The following PHF2 variants were observed in gnomAD, a reference collection of about 807,000 sequenced individuals.
PHF2 encodes lysine-specific demethylase PHF2.
Under a neutral mutation model 120.5 loss-of-function variants are expected in PHF2, and 27 were observed. The observed-to-expected ratio is 0.22, with a 90% CI of 0.17 to 0.31. The LOEUF (loss-of-function observed/expected upper bound fraction) is 0.31. Ranked by LOEUF, PHF2 falls within the 10% of genes least tolerant of loss-of-function variation. PHF2 has a pLI of 1.00. For synonymous variants in PHF2, 568 were observed against 592.5 expected (o/e 0.96, Z 0.60); for missense variants, 1,024 against 1,434.8 (o/e 0.71, Z 4.63).
At chr9:93,605,983 T>C (rs1257965896) in intron 1 of PHF2, among the ~76,000 whole-genome samples, 1 of 151,620 alleles carries the variant, frequency 6.6e-6, no homozygotes. Context: ...GGGTTTTTTT[T>C]CTTTTTTTTC....
chr9:93,662,532 GCGGATGGA>G (rs1371638309), intron 12 of PHF2, among the ~76,000 whole-genome samples: 30 of 120,254 alleles, frequency 2.5e-4, no homozygotes, highest in Admixed American at 1.4e-3. Context: ...GGATGGGTGG[GCGGATGGA>G]TGGATGGATG....
chr9:93,587,892 CCT>C (rs1321040721), intron 1 of PHF2, among the ~76,000 whole-genome samples: 2 of 152,176 alleles, frequency 1.3e-5, no homozygotes, highest in African/African-American at 4.8e-5. Flanking sequence ...GCATGGGCCC[CCT>C]GTCTGCTGGG....
At chr9:93,672,567 T>C in intron 17 of PHF2, 1 of 983,938 alleles carries the variant, frequency 1.0e-6, no homozygotes, top group Non-Finnish European at 1.2e-6. Context: ...GATGCAGGTA[T>C]GGGTGTAGGT....
intron 2 of PHF2, among the ~76,000 whole-genome samples, chr9:93,635,879 T>C (rs1250851169): frequency 1.3e-5 from 2 of 151,886 alleles, no homozygotes; most frequent in Non-Finnish European, 2.9e-5. Context: ...AGGGGAGGGC[T>C]GGAGTGTGGC....
At chr9:93,633,591 A>G (rs1207068197) in intron 2 of PHF2, among the ~76,000 whole-genome samples, 1 of 152,174 alleles carries the variant, frequency 6.6e-6, no homozygotes, top group Non-Finnish European at 1.5e-5. Flanking sequence ...CTGGTGCAGC[A>G]GGAGGGGCAG....
At chr9:93,592,332 C>T (rs926995115) in intron 1 of PHF2, among the ~76,000 whole-genome samples, 6 of 152,146 alleles carry the variant, frequency 3.9e-5, no homozygotes, top group South Asian at 2.1e-4. Flanking sequence ...ACACTCAGGG[C>T]GGGCCCATTC....
At chr9:93,579,522 A>G (rs1862895303) in intron 1 of PHF2, among the ~76,000 whole-genome samples, 1 of 152,162 alleles carries the variant, frequency 6.6e-6, no homozygotes, top group Non-Finnish European at 1.5e-5. Context: ...TTCCCCACTT[A>G]ATGTCGTTTT....
chr9:93,633,499 C>T (rs1051569607), intron 2 of PHF2, among the ~76,000 whole-genome samples: 1 of 152,220 alleles, frequency 6.6e-6, no homozygotes, highest in Non-Finnish European at 1.5e-5. Flanking sequence ...TGACTCTGCT[C>T]AGCAGTTGTC....
chr9:93,621,557 C>T (rs76557088), intron 1 of PHF2, among the ~76,000 whole-genome samples: 1,843 of 152,328 alleles, frequency 0.012, 45 homozygotes, highest in African/African-American at 0.041. Flanking sequence ...CAGGGCAGAG[C>T]GTCCTAAAGT....
At chr9:93,647,968 AT>A (rs1462882996) in intron 4 of PHF2, among the ~76,000 whole-genome samples, 1 of 152,258 alleles carries the variant, frequency 6.6e-6, no homozygotes, top group South Asian at 2.1e-4. Flanking sequence ...AATTTAAAAA[AT>A]ATATAATCAC....
At chr9:93,644,399 A>AAT (rs1221360311) in intron 3 of PHF2, among the ~76,000 whole-genome samples, 2 of 151,688 alleles carry the variant, frequency 1.3e-5, no homozygotes, top group Non-Finnish European at 2.9e-5. Context: ...AAAAAAAAAA[A>AAT]AAAAAATTCC....
intron 2 of PHF2, among the ~76,000 whole-genome samples, chr9:93,634,243 C>T (rs1826054630): frequency 6.6e-6 from 1 of 152,164 alleles, no homozygotes; most frequent in African/African-American, 2.4e-5. Flanking sequence ...TCCACACCTC[C>T]CCAGGTAGTA....
At chr9:93,647,724 T>C (rs1169926310) in intron 4 of PHF2, among the ~76,000 whole-genome samples, 1 of 152,160 alleles carries the variant, frequency 6.6e-6, no homozygotes, top group African/African-American at 2.4e-5. Flanking sequence ...ACCCCGTCTC[T>C]ACTAAAAATA....
intron 1 of PHF2, among the ~76,000 whole-genome samples, chr9:93,578,852 CTGAT>C (rs1862883623): frequency 6.6e-6 from 1 of 152,188 alleles, no homozygotes; most frequent in South Asian, 2.1e-4. Flanking sequence ...TTTGAGGTCT[CTGAT>C]TGAATCCAAT....
chr9:93,586,098 C>A (rs1290265175), intron 1 of PHF2, among the ~76,000 whole-genome samples: 1 of 152,254 alleles, frequency 6.6e-6, no homozygotes, highest in African/African-American at 2.4e-5. Context: ...CTTAGCTAGT[C>A]TTCTGCACAT....
intron 1 of PHF2, among the ~76,000 whole-genome samples, chr9:93,608,343 T>G (rs1825579353): frequency 6.6e-6 from 1 of 150,908 alleles, no homozygotes; most frequent in South Asian, 2.1e-4. Flanking sequence ...TAATTATTAT[T>G]TTTGTACATC....
intron 3 of PHF2, among the ~76,000 whole-genome samples, chr9:93,638,376 A>G (rs1381076039): frequency 6.6e-6 from 1 of 152,136 alleles, no homozygotes; most frequent in African/African-American, 2.4e-5. Flanking sequence ...AGATTTATTG[A>G]TATATTTTCT....
At chr9:93,641,206 T>G (rs568343181) in intron 3 of PHF2, among the ~76,000 whole-genome samples, 1 of 152,190 alleles carries the variant, frequency 6.6e-6, no homozygotes, top group Non-Finnish European at 1.5e-5. Context: ...TTTCCCCATG[T>G]CCAGTAGAGT....
At chr9:93,582,416 C>A (rs894754211) in intron 1 of PHF2, among the ~76,000 whole-genome samples, 1 of 152,208 alleles carries the variant, frequency 6.6e-6, no homozygotes, top group African/African-American at 2.4e-5. Context: ...CAGCTGACTG[C>A]AGCAGCTCCC....
Sources: gnomAD v4.1 joint callset for allele counts (sites outside exome capture counted in the v4.1 genomes callset) on GRCh38, gnomAD v4.1.1 for gene constraint, MANE v1.5 for transcripts, NCBI Gene and HGNC (gene_info 2026-07-23, HGNC 2026-07-21) for gene names.